Variants in TTBK2 observed in about 807,000 individuals in gnomAD.
TTBK2 encodes the protein tau tubulin kinase 2.
A neutral mutation model predicts 110.8 loss-of-function variants in TTBK2; 28 were observed. The ratio of observed to expected loss-of-function variants is 0.25; its 90% CI spans 0.19 to 0.35. The LOEUF (loss-of-function observed/expected upper bound fraction) is 0.35, where lower values mean the gene tolerates loss of function less well. Ranked by LOEUF, TTBK2 falls within the 10% of genes least tolerant of loss-of-function variation. TTBK2 has a pLI of 1.00. For missense variants in TTBK2, 1,369 were observed against 1,500.3 expected (o/e 0.91, Z 1.45); for synonymous variants, 532 against 527.3 (o/e 1.01, Z -0.12).
intron 3 of TTBK2, among the ~76,000 whole-genome samples, chr15:42,846,185 TTTC>T (rs1191904776): frequency 6.6e-6 from 1 of 151,882 alleles, no homozygotes; most frequent in Non-Finnish European, 1.5e-5. Flanking sequence ...CCTAATTTTT[TTTC>T]TTTTTTCTTT....
At chr15:42,801,510 ACCACAGGTCAT>A in intron 9 of TTBK2, 1 of 768,706 alleles carries the variant, frequency 1.3e-6, no homozygotes, top group Non-Finnish European at 2.4e-6. Flanking sequence ...GTCTTTGCAC[ACCACAGGTCAT>A]CCCCATGCTT....
chr15:42,890,863 TAAG>T (rs993668138), intron 1 of TTBK2, among the ~76,000 whole-genome samples: 5 of 152,244 alleles, frequency 3.3e-5, no homozygotes, highest in African/African-American at 1.2e-4. Context: ...GCCTACGTAA[TAAG>T]CTCTTTTTGT....
intron 13 of TTBK2, among the ~76,000 whole-genome samples, chr15:42,768,470 C>G (rs1889494794): frequency 6.6e-6 from 1 of 152,092 alleles, no homozygotes; most frequent in Admixed American, 6.6e-5. Flanking sequence ...ACACCAATAA[C>G]AGACAGAGAG....
intron 3 of TTBK2, among the ~76,000 whole-genome samples, chr15:42,853,432 T>G (rs1893801183): frequency 6.6e-6 from 1 of 152,224 alleles, no homozygotes; most frequent in African/African-American, 2.4e-5. Flanking sequence ...ATTCTGTTAT[T>G]TTTTGGTATT....
chr15:42,898,937 A>T (rs1247360115), intron 1 of TTBK2, among the ~76,000 whole-genome samples: 1 of 152,210 alleles, frequency 6.6e-6, no homozygotes, highest in Non-Finnish European at 1.5e-5. Context: ...TTTTAAAATT[A>T]TGTGCTGTTA....
chr15:42,769,945 C>A (rs1889589529), intron 13 of TTBK2, among the ~76,000 whole-genome samples: 1 of 152,170 alleles, frequency 6.6e-6, no homozygotes. Context: ...AGTTCATGTC[C>A]TTTGCAGGGA....
At chr15:42,883,979 T>C (rs1895149108) in intron 1 of TTBK2, among the ~76,000 whole-genome samples, 1 of 152,174 alleles carries the variant, frequency 6.6e-6, no homozygotes, top group Non-Finnish European at 1.5e-5. Context: ...GTATCTATTA[T>C]AATATCTGAC....
chr15:42,788,927 G>C (rs1051665341), intron 10 of TTBK2, among the ~76,000 whole-genome samples: 1 of 152,068 alleles, frequency 6.6e-6, no homozygotes, highest in Non-Finnish European at 1.5e-5. Flanking sequence ...TTTGAGCTTT[G>C]TAACATGATG....
chr15:42,793,809 C>T lies in TTBK2; in HGVS notation c.980+835G>A, dbSNP rs191615169. 1.4e-3 allele frequency among the ~76,000 whole-genome samples: 215 copies of T among 151,846 alleles called. 1 individual carries two copies. Among genetic ancestry groups the T allele is most frequent in the Non-Finnish European group, 1.1e-3 (73 of 67,970 alleles). On this transcript the variant is annotated intron_variant, in intron 10 of 14. Transcript: ENST00000267890. Reference sequence around the variant, plus strand: ...CTGAGATTGTGCCACTGCACTCCAGCCTGGGCAACAAGAATGAAACTCCAT... The same window carrying T: ...CTGAGATTGTGCCACTGCACTCCAGTCTGGGCAACAAGAATGAAACTCCAT...
At chr15:42,766,618 C>T (rs1478875526) in intron 13 of TTBK2, among the ~76,000 whole-genome samples, 2 of 151,958 alleles carry the variant, frequency 1.3e-5, no homozygotes, top group East Asian at 3.9e-4. Flanking sequence ...TACAGGAGCA[C>T]CCAGATTCAT....
intron 8 of TTBK2, among the ~76,000 whole-genome samples, chr15:42,810,983 A>G (rs931259169): frequency 1.5e-4 from 23 of 152,160 alleles, no homozygotes; most frequent in African/African-American, 5.5e-4. Context: ...GTCCCCAGAA[A>G]AAATAATTTA....
rs751712578 is a variant in TTBK2 at position 42,752,517 on chromosome 15, G to A, written c.2729C>T (p.Thr910Ile). The stretch of plus-strand genomic sequence containing the variant: ...ATGAAATAGTTCTCCATTTCTAGGG[G>A]TGATTTTCTCTCTCTTGCCCTCTTG... ...LHQEGKREKI[T>I]PRNGELFHCV... Residue 910 changes from threonine (T) to isoleucine (I), a missense_variant, in exon 14 of 15, where the codon ACC becomes ATC. Thr to Ile is a moderately conservative substitution (Grantham distance 89). This residue lies in a region of TTBK2 where 1,097 missense variants were observed against 1,114.7 expected (regional missense o/e 0.98). Transcript: ENST00000267890. 1 of 1,614,142 alleles carries A rather than the reference G, an allele frequency of 6.2e-7. No homozygotes were observed. The highest frequency in any genetic ancestry group is 1.7e-5 in the Admixed American group (1 of 60,022).
At chr15:42,827,883 C>T (rs1892596609) in intron 6 of TTBK2, 45 bp downstream of exon 6, 1 of 1,476,710 alleles carries the variant, frequency 6.8e-7, no homozygotes, top group Non-Finnish European at 9.4e-7. Context: ...ACTATAAATA[C>T]CAGGGTAATT....
At chr15:42,850,857 GA>G (rs1038021899) in intron 3 of TTBK2, among the ~76,000 whole-genome samples, 1 of 151,278 alleles carries the variant, frequency 6.6e-6, no homozygotes, top group African/African-American at 2.4e-5. Context: ...TTTAAAAGAA[GA>G]AAAAAAAGCA....
chr15:42,891,720 T>C (rs1210961638), intron 1 of TTBK2, among the ~76,000 whole-genome samples: 1 of 152,108 alleles, frequency 6.6e-6, no homozygotes, highest in East Asian at 1.9e-4. Flanking sequence ...AAAAAGGTAA[T>C]TTTAAGTATA....
chr15:42,834,388 C>G (rs558415702), intron 4 of TTBK2, among the ~76,000 whole-genome samples: 1 of 152,192 alleles, frequency 6.6e-6, no homozygotes, highest in Non-Finnish European at 1.5e-5. Flanking sequence ...AACAGACACC[C>G]ACATCATCTA....
At chr15:42,920,281 G>C (rs1045133473) in intron 1 of TTBK2, among the ~76,000 whole-genome samples, 157 bp downstream of exon 1, 1 of 152,182 alleles carries the variant, frequency 6.6e-6, no homozygotes, top group African/African-American at 2.4e-5. Context: ...GGAGAGTGAC[G>C]GGGTCTGGCA....
rs758542208 is a variant in TTBK2, at chr15:42,878,697, C to A, written c.-67-13G>T. The stretch of plus-strand genomic sequence containing the variant: ...GTTTCCATTTAACCTAAAACAACAA[C>A]AACAAAAAATAGTAGCAGTATTTAG... On this transcript the variant is annotated splice_polypyrimidine_tract_variant and intron_variant, in intron 1 of 14. Transcript: ENST00000267890. The A allele has an allele frequency of 4.3e-6, 7 of 1,609,592 alleles. No individual in the cohort carries two copies. Among genetic ancestry groups the A allele is most frequent in the Admixed American group, 1.7e-5 (1 of 59,628 alleles).
Position 42,829,976 on chromosome 15 carries a change from T to C in TTBK2, c.394A>G (p.Ile132Val). The C allele has an allele frequency of 1.9e-6, 3 of 1,614,178 alleles. No homozygotes were observed. The highest frequency in any genetic ancestry group is 1.3e-5 in the African/African-American group (1 of 75,058). ...GRQILESIES[I>V]HSVGFLHRDI... ...CGATGCAAGAATCCCACAGAATGAATGCTTTCAATAGACTCCAAAATCTGT... is the reference window on the plus strand; with the variant it reads ...CGATGCAAGAATCCCACAGAATGAACGCTTTCAATAGACTCCAAAATCTGT... Residue 132 changes from isoleucine (I) to valine (V), a missense_variant, in exon 5 of 15, where the codon ATT becomes GTT. Around this residue, in one of 4 missense-constraint regions of TTBK2, gnomAD observed 122 missense variants for 159.7 expected, o/e 0.76. Coordinates refer to ENST00000267890, the MANE Select transcript of TTBK2 (RefSeq NM_173500.4).
Sources: gnomAD v4.1 joint callset for allele counts (sites outside exome capture counted in the v4.1 genomes callset) on GRCh38, gnomAD v4.1.1 for gene constraint, gnomAD v4.1.1 regional missense constraint, MANE v1.5 for transcripts, NCBI Gene and HGNC (gene_info 2026-07-23, HGNC 2026-07-21) for gene names.